Variants in NEUROD4 observed in about 807,000 individuals in gnomAD.
The protein encoded by NEUROD4 is neurogenic differentiation factor 4.
NEUROD4 carries 16 observed loss-of-function variants against 19.8 expected under a neutral mutation model. The ratio of observed to expected loss-of-function variants is 0.81; its 90% CI spans 0.55 to 1.23. The LOEUF (loss-of-function observed/expected upper bound fraction) is 1.23. Ranked by LOEUF, NEUROD4 falls within the 50% of genes most tolerant of loss-of-function variation. The probability of loss-of-function intolerance (pLI) is 0.00; values close to 1 mark genes in which losing one functional copy is unlikely to be tolerated. For missense variants in NEUROD4, 439 were observed against 398.6 expected (o/e 1.10, Z -0.86); for synonymous variants, 153 against 147.9 (o/e 1.03, Z -0.25).
Position 55,020,260 on chromosome 12 carries a change from G to GT in NEUROD4, c.-62dup. ...TCAGGGAGACTTGGCTTCTCTGACT[G>GT]TCCTCTAAGACGCAGATTCACAGAG... is the stretch of plus-strand genomic sequence containing the variant. On this transcript the variant is annotated 5_prime_UTR_variant, in exon 1 of 2. Transcript: ENST00000242994. 6.6e-6 allele frequency: 1 copy of GT among 152,380 alleles called. No homozygotes were observed. The highest frequency in any genetic ancestry group is 2.4e-5 in the African/African-American group (1 of 41,580). 9.4% of individuals were successfully genotyped at this position (152,380 alleles called of 1,614,324 possible).
At position 55,026,708 on chromosome 12, in the gene NEUROD4, T is replaced by C; in HGVS notation, c.269T>C (p.Val90Ala). 6.2e-7 allele frequency: 1 copy of C among 1,613,752 alleles called. No homozygotes were observed. The highest frequency in any genetic ancestry group is 8.5e-7 in the Non-Finnish European group (1 of 1,179,928). The change falls in exon 2 of 2, where the codon GTC becomes GCC. Residue 90 changes from valine to alanine, a missense_variant. Transcript: ENST00000242994. The part of the protein sequence containing the change: ...ARLERFRARR[V>A]KANARERTRM... ...CTTGAGAGATTCAGGGCTCGAAGAG[T>C]CAAGGCTAATGCCAGAGAACGGACC...
intron 1 of NEUROD4, among the ~76,000 whole-genome samples, chr12:55,022,029 A>G (rs1479491648): frequency 6.6e-6 from 1 of 152,148 alleles, no homozygotes; most frequent in Non-Finnish European, 1.5e-5. Context: ...GCTTCTGTAA[A>G]ACAATTGCCA....
Position 55,027,162 on chromosome 12 carries a change from G to A in NEUROD4, c.723G>A (p.Leu241=), listed in dbSNP as rs773811863. ...GAGAATCGTCCTTTGGGAGCCATCT[G>A]CCTGACTGCAGTACACCCCCTTATG... ...SLGESSFGSH[L]PDCSTPPYEG... is the part of the protein sequence containing the mutation. The change falls in exon 2 of 2, where the codon CTG becomes CTA. Residue 241 remains leucine, a synonymous_variant. Transcript: ENST00000242994. 1 of 1,613,980 alleles carries A rather than the reference G, an allele frequency of 6.2e-7. No homozygotes were observed. Among genetic ancestry groups the A allele is most frequent in the Non-Finnish European group, 8.5e-7 (1 of 1,180,008 alleles).
chr12:55,022,151 C>A (rs1340841219), intron 1 of NEUROD4, among the ~76,000 whole-genome samples: 2 of 152,018 alleles, frequency 1.3e-5, no homozygotes, highest in Admixed American at 1.3e-4. Context: ...TTCATTTTGC[C>A]CTAAGGGTAC....
rs551955420 is a variant in NEUROD4 at position 55,028,275 on chromosome 12, T to C, written c.*840T>C. On this transcript the variant is annotated 3_prime_UTR_variant, in exon 2 of 2. Transcript: ENST00000242994. ...ACTAGAGGTAGGGCAAACAAGTCACTGAAGCCTCAGACTCCTATAACTAAT... is the reference window on the plus strand; with the variant it reads ...ACTAGAGGTAGGGCAAACAAGTCACCGAAGCCTCAGACTCCTATAACTAAT... The C allele has an allele frequency of 1.2e-5, 2 of 167,008 alleles. No homozygotes were observed. Among genetic ancestry groups the C allele is most frequent in the Non-Finnish European group, 2.9e-5 (2 of 68,120 alleles). The allele number at this position is 167,008 out of a possible 1,614,324, so 10.3% of individuals were successfully genotyped here. A position where few individuals can be genotyped will look rare whatever the true frequency, so the allele number is the denominator to read the frequency against.
At position 55,027,288 on chromosome 12, in the gene NEUROD4, C is replaced by T. The variant is rs753001035; in HGVS notation, c.849C>T (p.Tyr283=). ...LEKSYSFMPH[Y]PSSSLSSGHV... The stretch of plus-strand genomic sequence containing the variant: ...AATCCTACAGCTTCATGCCACATTA[C>T]CCTTCTTCAAGTCTAAGCTCAGGGC... Residue 283 remains tyrosine (Y), a synonymous_variant, in exon 2 of 2, where the codon TAC becomes TAT. Coordinates refer to ENST00000242994, the MANE Select transcript of NEUROD4 (RefSeq NM_021191.3). 1.9e-6 allele frequency: 3 copies of T among 1,614,080 alleles called. No homozygotes were observed. Among genetic ancestry groups the T allele is most frequent in the Admixed American group, 1.7e-5 (1 of 60,010 alleles).
chr12:55,023,324 C>A (rs778322531), intron 1 of NEUROD4, among the ~76,000 whole-genome samples: 23 of 152,060 alleles, frequency 1.5e-4, no homozygotes, highest in Non-Finnish European at 3.1e-4. Flanking sequence ...TTTTATTATT[C>A]ATCTGTGAGA....
At chr12:55,024,511 A>G (rs910736449) in intron 1 of NEUROD4, among the ~76,000 whole-genome samples, 1 of 152,228 alleles carries the variant, frequency 6.6e-6, no homozygotes, top group African/African-American at 2.4e-5. Context: ...AAATGTTATT[A>G]TAATTACATG....
At position 55,020,298 on chromosome 12, in the gene NEUROD4, A is replaced by G. The variant is rs1316780163; in HGVS notation, c.-25A>G. ...CAGATTCACAGAGTTCACTCCAGGAACGGCCAGTGACCGAGGTGAGCCAGT... is the reference window on the plus strand; with the variant it reads ...CAGATTCACAGAGTTCACTCCAGGAGCGGCCAGTGACCGAGGTGAGCCAGT... On this transcript the variant is annotated 5_prime_UTR_variant, in exon 1 of 2. Transcript: ENST00000242994. 6.6e-6 allele frequency: 1 copy of G among 152,250 alleles called. No individual in the cohort carries two copies. The highest frequency in any genetic ancestry group is 1.5e-5 in the Non-Finnish European group (1 of 68,126). The allele number at this position is 152,250 out of a possible 1,614,324, so 9.4% of individuals were successfully genotyped here.
At chr12:55,026,273 T>C (rs1000575079) in intron 1 of NEUROD4, among the ~76,000 whole-genome samples, 158 bp from the exon 2 acceptor site, 1 of 152,210 alleles carries the variant, frequency 6.6e-6, no homozygotes, top group African/African-American at 2.4e-5. Flanking sequence ...TTTCTTATAC[T>C]ATGCCATAAC....
intron 1 of NEUROD4, among the ~76,000 whole-genome samples, chr12:55,023,655 G>A (rs916579972): frequency 2.6e-5 from 4 of 152,130 alleles, no homozygotes; most frequent in Non-Finnish European, 4.4e-5. Context: ...GATTCTCTTG[G>A]AAGTTAATGG....
Position 55,020,126 on chromosome 12 carries a change from G to C in NEUROD4, c.-197G>C, listed in dbSNP as rs1592451318. On this transcript the variant is annotated 5_prime_UTR_variant, in exon 1 of 2. Coordinates refer to ENST00000242994, the MANE Select transcript of NEUROD4 (RefSeq NM_021191.3). ...GAGGAGCATACGGAACTCCAAGGAA[G>C]GAGTAGAATAAGGAGCAGGCAGAGA... 6.6e-6 allele frequency: 1 copy of C among 152,404 alleles called. No individual in the cohort carries two copies. The highest frequency in any genetic ancestry group is 2.1e-4 in the South Asian group (1 of 4,832). 9.4% of individuals were successfully genotyped at this position (152,404 alleles called of 1,614,324 possible). A position where few individuals can be genotyped will look rare whatever the true frequency, so the allele number is the denominator to read the frequency against.
chr12:55,027,654 G>A lies in NEUROD4; in HGVS notation c.*219G>A, dbSNP rs1952750958. 6.3e-6 allele frequency: 3 copies of A among 478,150 alleles called. No individual in the cohort carries two copies. Among genetic ancestry groups the A allele is most frequent in the Non-Finnish European group, 7.5e-6 (2 of 266,116 alleles). The allele number at this position is 478,150 out of a possible 1,614,324, so 29.6% of individuals were successfully genotyped here. ...GAGTCCTCAAGTGAAAATATTTGAT[G>A]ATTTAACAACCATGTGAAAATAGAA... On this transcript the variant is annotated 3_prime_UTR_variant, in exon 2 of 2. Coordinates refer to ENST00000242994, the MANE Select transcript of NEUROD4 (RefSeq NM_021191.3).
intron 1 of NEUROD4, among the ~76,000 whole-genome samples, chr12:55,023,633 A>G (rs1217256055): frequency 6.6e-6 from 1 of 152,162 alleles, no homozygotes; most frequent in African/African-American, 2.4e-5. Flanking sequence ...AAACCATACT[A>G]TATACTCATG....
At position 55,028,809 on chromosome 12, in the gene NEUROD4, A is replaced by T. The variant is rs964174392; in HGVS notation, c.*1374A>T. The stretch of plus-strand genomic sequence containing the variant: ...CCAACTATGTCTTCATCACAGGTTT[A>T]ACCCAATTTGCAGAGTGTTTATTTT... On this transcript the variant is annotated 3_prime_UTR_variant, in exon 2 of 2. Coordinates refer to ENST00000242994, the MANE Select transcript of NEUROD4 (RefSeq NM_021191.3). 1 of 167,012 alleles carries T rather than the reference A, an allele frequency of 6.0e-6. No homozygotes were observed. Among genetic ancestry groups the T allele is most frequent in the Non-Finnish European group, 1.5e-5 (1 of 68,112 alleles). The allele number at this position is 167,012 out of a possible 1,614,324, so 10.3% of individuals were successfully genotyped here.
chr12:55,020,715 C>T (rs1952668434), intron 1 of NEUROD4, among the ~76,000 whole-genome samples: 1 of 152,120 alleles, frequency 6.6e-6, no homozygotes. Context: ...CCACTCTGCT[C>T]ACAGCATTTT....
chr12:55,024,512 T>C (rs946267211), intron 1 of NEUROD4, among the ~76,000 whole-genome samples: 2 of 152,222 alleles, frequency 1.3e-5, no homozygotes, highest in Non-Finnish European at 2.9e-5. Flanking sequence ...AATGTTATTA[T>C]AATTACATGG....
intron 1 of NEUROD4, among the ~76,000 whole-genome samples, chr12:55,025,110 C>T (rs1952712490): frequency 6.6e-6 from 1 of 152,194 alleles, no homozygotes; most frequent in South Asian, 2.1e-4. Context: ...TGGAGCTTAT[C>T]AGATACTTTT....
intron 1 of NEUROD4, among the ~76,000 whole-genome samples, chr12:55,025,726 G>A (rs1952721124): frequency 6.6e-6 from 1 of 152,196 alleles, no homozygotes; most frequent in Non-Finnish European, 1.5e-5. Context: ...CAGCCAGTGA[G>A]AGTAATGTTT....
Sources: allele counts gnomAD v4.1 joint callset (sites outside exome capture counted in the v4.1 genomes callset), GRCh38; gene constraint gnomAD v4.1.1; transcripts MANE v1.5; gene names NCBI Gene and HGNC (gene_info 2026-07-23, HGNC 2026-07-21).